The following RUFY2 variants were observed in gnomAD, a reference collection of about 807,000 sequenced individuals.
The protein encoded by RUFY2 is RUN and FYVE domain containing 2, also known as RUN and FYVE domain-containing protein 2.
A neutral mutation model predicts 94.4 loss-of-function variants in RUFY2; 49 were observed. The ratio of observed to expected loss-of-function variants is 0.52; its 90% confidence interval spans 0.41 to 0.66. RUFY2 has a LOEUF of 0.66. Ranked by LOEUF, RUFY2 falls within the 30% of genes least tolerant of loss-of-function variation. RUFY2 has a pLI of 0.00. For missense variants in RUFY2, 541 were observed against 692.8 expected (o/e 0.78, Z 2.46); for synonymous variants, 255 against 235.7 (o/e 1.08, Z -0.75).
At position 68,345,676 on chromosome 10, in the gene RUFY2, C is replaced by T. The variant is rs905680704; in HGVS notation, c.*92G>A. On this transcript the variant is annotated 3_prime_UTR_variant, in exon 18 of 18. Transcript: ENST00000602465. ...ACTGGTACCAAATACTGACCGAAAG[C>T]CGCTTAAGGAGAGCTGTCTGGTTAC... 3.4e-6 allele frequency: 4 copies of T among 1,170,736 alleles called. No homozygotes were observed. The highest frequency in any genetic ancestry group is 3.6e-6 in the Non-Finnish European group (3 of 824,126). The allele number at this position is 1,170,736 out of a possible 1,614,324, so 72.5% of individuals were successfully genotyped here.
At chr10:68,383,662 T>C in intron 10 of RUFY2, 136 bp downstream of exon 10, 1 of 683,102 alleles carries the variant, frequency 1.5e-6, no homozygotes, top group Non-Finnish European at 2.6e-6. Context: ...CTTAGAAAAT[T>C]TGAGAAGATT....
chr10:68,400,787 C>T (rs1198700945), intron 3 of RUFY2, among the ~76,000 whole-genome samples: 2 of 151,546 alleles, frequency 1.3e-5, no homozygotes, highest in Non-Finnish European at 2.9e-5. Context: ...CTGAGGCAGG[C>T]GGATCACGAG....
At chr10:68,389,078 G>C (rs918134045) in intron 7 of RUFY2, among the ~76,000 whole-genome samples, 1 of 151,538 alleles carries the variant, frequency 6.6e-6, no homozygotes, top group Admixed American at 6.6e-5. Context: ...ACTGTTTTGG[G>C]TGTATAGAGA....
At chr10:68,380,316 G>T (rs1372807944) in intron 11 of RUFY2, among the ~76,000 whole-genome samples, 3 of 151,734 alleles carry the variant, frequency 2.0e-5, no homozygotes. Context: ...CAGCTCTTTG[G>T]GAGGCCAAGG....
chr10:68,396,573 CA>C (rs947753263), intron 4 of RUFY2, among the ~76,000 whole-genome samples: 1 of 152,062 alleles, frequency 6.6e-6, no homozygotes, highest in East Asian at 1.9e-4. Flanking sequence ...TGGCTGATAA[CA>C]AAGCTTATGG....
chr10:68,391,251 G>C (rs1034653896), intron 7 of RUFY2, among the ~76,000 whole-genome samples: 1 of 151,896 alleles, frequency 6.6e-6, no homozygotes, highest in East Asian at 1.9e-4. Context: ...TTTTTATATT[G>C]ATTGCATGTT....
Position 68,376,948 on chromosome 10 carries a change from T to C in RUFY2, c.1230A>G (p.Gln410=). The C allele has an allele frequency of 6.2e-7, 1 of 1,613,720 alleles. No individual in the cohort carries two copies. The highest frequency in any genetic ancestry group is 1.1e-5 in the South Asian group (1 of 91,060). The change falls in exon 13 of 18, where the codon CAA becomes CAG. Residue 410 remains glutamine (Q), a synonymous_variant. Transcript: ENST00000602465. ...TCTCATCCTCATCTTCAGCTTCCAT[T>C]TGCGCCTTCTCTGCTTGCTGCAATC... ...EQRLQQAEKA[Q]MEAEDEDEKY... is the part of the protein sequence containing the mutation.
chr10:68,381,940 T>C (rs2049090947), intron 10 of RUFY2, among the ~76,000 whole-genome samples: 1 of 152,252 alleles, frequency 6.6e-6, no homozygotes, highest in Non-Finnish European at 1.5e-5. Context: ...GGTCCAAGAA[T>C]TAATCATTTT....
rs1160470343 is a variant in RUFY2 at position 68,359,528 on chromosome 10, TTA to T, written c.1550+4060_1550+4061del. 3.9e-4 allele frequency among the ~76,000 whole-genome samples: 56 copies of T among 144,140 alleles called. No homozygotes were observed. The South Asian group carries it at 4.1e-3, about 10-fold the overall frequency. The allele number at this position is 144,140 out of a possible 152,430, so 94.6% of individuals were successfully genotyped here. On this transcript the variant is annotated intron_variant, in intron 15 of 17. Transcript: ENST00000602465. ...TATATAAATATACATAGTAGTATAT[TTA>T]TATATATAATGCTACTATATATAAA...
In RUFY2 at chr10:68,379,510, A is replaced by G. The variant is rs201649202; in HGVS notation, c.1119T>C (p.Asp373=). ...TTATTTCATTTTTTTCTTTCAAGCC[A>G]TCTTCAGAACCCTATTTATAAAAAC... The part of the protein sequence containing the change: ...EMYQKLQGSE[D]GLKEKNEIIA... The change falls in exon 12 of 18, where the codon GAT becomes GAC. Residue 373 remains aspartate, a synonymous_variant. Transcript: ENST00000602465. 1.5e-4 allele frequency: 243 copies of G among 1,610,232 alleles called. No homozygotes were observed. In the African/African-American group the frequency reaches 3.0e-3, roughly 20 times the overall value.
At chr10:68,350,184 A>G (rs1225315414) in intron 16 of RUFY2, among the ~76,000 whole-genome samples, 6 of 151,926 alleles carry the variant, frequency 3.9e-5, no homozygotes, top group Admixed American at 1.3e-4. Flanking sequence ...TAATTTTTGC[A>G]TTTTTAGTAG....
At chr10:68,387,254 G>A (rs2132922443) in intron 7 of RUFY2, among the ~76,000 whole-genome samples, 1 of 152,190 alleles carries the variant, frequency 6.6e-6, no homozygotes, top group African/African-American at 2.4e-5. Flanking sequence ...CTACTTGGGT[G>A]GCTGAGGCAG....
intron 13 of RUFY2, among the ~76,000 whole-genome samples, chr10:68,376,440 GTGTATATA>G (rs1346458440): frequency 0.034 from 1,625 of 48,136 alleles, 111 homozygotes; most frequent in African/African-American, 0.059. Flanking sequence ...AAAAAAATGT[GTGTATATA>G]TATATATATA....
intron 11 of RUFY2, 137 bp downstream of exon 11, chr10:68,381,095 A>G: frequency 2.0e-6 from 1 of 508,834 alleles, no homozygotes; most frequent in East Asian, 3.4e-5. Context: ...TTAAGCTTTC[A>G]TTTAGAAAAA....
At chr10:68,361,972 A>AT (rs2047488000) in intron 15 of RUFY2, among the ~76,000 whole-genome samples, 1 of 152,198 alleles carries the variant, frequency 6.6e-6, no homozygotes, top group African/African-American at 2.4e-5. Flanking sequence ...CATCAAAGAG[A>AT]TTTATACAGG....
chr10:68,374,570 T>C (rs1056760021), intron 13 of RUFY2, among the ~76,000 whole-genome samples: 11 of 152,178 alleles, frequency 7.2e-5, no homozygotes, highest in Admixed American at 2.0e-4. Flanking sequence ...ACAATTACAG[T>C]TGGATATTTC....
chr10:68,405,710 C>T, intron 1 of RUFY2: 1 of 984,494 alleles, frequency 1.0e-6, no homozygotes, highest in Non-Finnish European at 1.2e-6. Flanking sequence ...CTTTCGTCTA[C>T]CCTCTTTCTG....
intron 11 of RUFY2, among the ~76,000 whole-genome samples, chr10:68,380,355 C>T (rs576669106): frequency 7.0e-6 from 1 of 143,604 alleles, no homozygotes; most frequent in South Asian, 2.2e-4. Flanking sequence ...CCAGCCTGGG[C>T]AATATAGTGA....
chr10:68,368,798 G>A (rs180759861), intron 13 of RUFY2, among the ~76,000 whole-genome samples: 10 of 152,296 alleles, frequency 6.6e-5, no homozygotes, highest in African/African-American at 2.2e-4. Context: ...CATATTGGGT[G>A]TTGATGAAGC....
Sources: allele counts gnomAD v4.1 joint callset (sites outside exome capture counted in the v4.1 genomes callset), GRCh38; gene constraint gnomAD v4.1.1; transcripts MANE v1.5; gene names NCBI Gene and HGNC (gene_info 2026-07-23, HGNC 2026-07-21).